Variants in MAGI1 observed in about 807,000 individuals in gnomAD.
MAGI1 encodes membrane-associated guanylate kinase, WW and PDZ domain-containing protein 1.
MAGI1 carries 58 observed loss-of-function variants against 139.9 expected under a neutral mutation model. The observed-to-expected ratio is 0.41, with a 90% CI of 0.34 to 0.52. The LOEUF is 0.52. Ranked by LOEUF, MAGI1 falls within the 20% of genes least tolerant of loss-of-function variation. MAGI1 has a pLI of 0.12. For missense variants in MAGI1, 1,874 were observed against 1,901.6 expected (o/e 0.99, Z 0.27); for synonymous variants, 812 against 737.9 (o/e 1.10, Z -1.63).
intron 2 of MAGI1, among the ~76,000 whole-genome samples, chr3:65,534,721 T>C (rs529726089): frequency 1.4e-4 from 21 of 152,326 alleles, no homozygotes; most frequent in African/African-American, 5.1e-4. Flanking sequence ...ACACTGACGA[T>C]GATGGCAAGA....
At chr3:65,694,852 T>A (rs1245918797) in intron 1 of MAGI1, among the ~76,000 whole-genome samples, 1 of 152,252 alleles carries the variant, frequency 6.6e-6, no homozygotes, top group Non-Finnish European at 1.5e-5. Flanking sequence ...ACTACCTGGC[T>A]GGCTGTCTCT....
At chr3:65,875,778 G>A (rs2060093506) in intron 1 of MAGI1, among the ~76,000 whole-genome samples, 1 of 152,206 alleles carries the variant, frequency 6.6e-6, no homozygotes, top group Admixed American at 6.5e-5. Context: ...ATAACAGCTA[G>A]TACTGACTGA....
chr3:65,748,637 G>T (rs1450350280), intron 1 of MAGI1, among the ~76,000 whole-genome samples: 2 of 152,158 alleles, frequency 1.3e-5, no homozygotes, highest in Non-Finnish European at 2.9e-5. Context: ...CACATCTGAT[G>T]TCAAGGAGCT....
chr3:65,901,300 C>G (rs986582399), intron 1 of MAGI1, among the ~76,000 whole-genome samples: 6 of 152,176 alleles, frequency 3.9e-5, no homozygotes, highest in African/African-American at 1.4e-4. Context: ...CAGGCCCAGA[C>G]CAGAGACTGG....
chr3:65,765,011 C>T (rs1282780689), intron 1 of MAGI1, among the ~76,000 whole-genome samples: 1 of 152,098 alleles, frequency 6.6e-6, no homozygotes, highest in Admixed American at 6.6e-5. Context: ...ATTATAGGAA[C>T]TAAATTAAGT....
intron 1 of MAGI1, among the ~76,000 whole-genome samples, chr3:66,024,868 A>G (rs1370439010): frequency 2.0e-5 from 3 of 152,144 alleles, no homozygotes; most frequent in Non-Finnish European, 4.4e-5. Flanking sequence ...ACCATAAATA[A>G]ACAATTCCAG....
chr3:65,877,954 T>G (rs989999934), intron 1 of MAGI1, among the ~76,000 whole-genome samples: 2 of 151,332 alleles, frequency 1.3e-5, no homozygotes, highest in African/African-American at 4.9e-5. Flanking sequence ...AAAAAGTGTT[T>G]TAAAAAATTA....
At chr3:65,983,057 C>G (rs113951866) in intron 1 of MAGI1, among the ~76,000 whole-genome samples, 2,515 of 152,194 alleles carry the variant, frequency 0.017, 30 homozygotes, top group Middle Eastern at 0.037. Context: ...ACAGCTGGGA[C>G]CACAGGCTCA....
At position 65,885,095 on chromosome 3, in the gene MAGI1, C is replaced by T. The variant is rs185663445; in HGVS notation, c.313+152901G>A. Among the ~76,000 whole-genome samples, 738 of 152,020 alleles carry T rather than the reference C, an allele frequency of 4.9e-3. 3 individuals carry two copies. The highest frequency in any genetic ancestry group is 7.6e-3 in the Non-Finnish European group (519 of 67,978). On this transcript the variant is annotated intron_variant, in intron 1 of 22. Coordinates refer to ENST00000402939, the MANE Select transcript of MAGI1 (RefSeq NM_001033057.2). ...TTACAAAACAGTCATAAAATAGATA[C>T]CTGGATGAAAAAACGTTTTCAGGTC...
At chr3:65,724,622 G>C (rs565231299) in intron 1 of MAGI1, among the ~76,000 whole-genome samples, 2 of 152,278 alleles carry the variant, frequency 1.3e-5, no homozygotes, top group South Asian at 2.1e-4. Context: ...CACTGTATTA[G>C]TCTGTTCTCA....
At chr3:65,895,364 A>G (rs1318287990) in intron 1 of MAGI1, among the ~76,000 whole-genome samples, 1 of 152,318 alleles carries the variant, frequency 6.6e-6, no homozygotes, top group East Asian at 1.9e-4. Flanking sequence ...ATTAAGGAAC[A>G]CAACATGTGA....
intron 1 of MAGI1, among the ~76,000 whole-genome samples, chr3:65,824,780 C>T (rs1575616400): frequency 2.0e-5 from 3 of 152,150 alleles, no homozygotes; most frequent in South Asian, 2.1e-4. Flanking sequence ...TATTTTCTTG[C>T]CTACCAATAA....
chr3:66,011,039 A>C (rs1195234341), intron 1 of MAGI1, among the ~76,000 whole-genome samples: 3 of 152,208 alleles, frequency 2.0e-5, no homozygotes, highest in African/African-American at 4.8e-5. Flanking sequence ...AGGGACACCA[A>C]TTTGCCCAAA....
At chr3:65,536,936 C>A (rs1468367141) in intron 2 of MAGI1, among the ~76,000 whole-genome samples, 1 of 152,028 alleles carries the variant, frequency 6.6e-6, no homozygotes, top group Non-Finnish European at 1.5e-5. Flanking sequence ...CAGCCATGCC[C>A]GTAGGTAGTT....
intron 18 of MAGI1, 23 bp downstream of exon 18, chr3:65,375,722 G>A (rs777476025): frequency 1.0e-5 from 16 of 1,550,602 alleles, no homozygotes; most frequent in Middle Eastern, 1.8e-4. Context: ...GAGAGAGAGA[G>A]AGAGATAATA....
At chr3:65,425,129 AAAAC>A (rs1375091333) in intron 12 of MAGI1, among the ~76,000 whole-genome samples, 670 of 39,734 alleles carry the variant, frequency 0.017, 38 homozygotes, top group East Asian at 0.073. Context: ...AAAAAAAAAA[AAAAC>A]AAAAAAAAAC....
rs142788987 is a variant in MAGI1 at position 65,375,882 on chromosome 3, C to T, written c.3059G>A (p.Arg1020His). The T allele has an allele frequency of 1.7e-5, 27 of 1,613,984 alleles. No homozygotes were observed. In the Admixed American group the frequency reaches 2.0e-4, roughly 12 times the overall value. The stretch of plus-strand genomic sequence containing the variant: ...GTCTCCTACTTTCAGCTTGCCACAG[C>T]GGTCAGCAGGGCTCCCCTCAATAAT... ...GRIIEGSPADRCGKLKVGDRI... is the reference protein window; with the variant it reads ...GRIIEGSPADHCGKLKVGDRI... The change falls in exon 18 of 23, where the codon CGC becomes CAC. Residue 1020 changes from arginine (R) to histidine (H), a missense_variant. This residue lies in a region of MAGI1 where 653 missense variants were observed against 644.5 expected (regional missense o/e 1.01). Coordinates refer to ENST00000402939, the MANE Select transcript of MAGI1 (RefSeq NM_001033057.2).
chr3:66,032,957 T>C (rs1441633716), intron 1 of MAGI1, among the ~76,000 whole-genome samples: 1 of 147,264 alleles, frequency 6.8e-6, no homozygotes, highest in Admixed American at 6.8e-5. Context: ...CAACAGAAGA[T>C]AATACGAGAT....
At chr3:65,699,727 TG>T (rs2089465401) in intron 1 of MAGI1, among the ~76,000 whole-genome samples, 1 of 80,260 alleles carries the variant, frequency 1.2e-5, no homozygotes, top group African/African-American at 5.1e-5. Flanking sequence ...GGGACTGTGG[TG>T]GGGTGGGGGG....
Sources: gnomAD v4.1 joint callset for allele counts (sites outside exome capture counted in the v4.1 genomes callset) on GRCh38, gnomAD v4.1.1 for gene constraint, gnomAD v4.1.1 regional missense constraint, MANE v1.5 for transcripts, NCBI Gene and HGNC (gene_info 2026-07-23, HGNC 2026-07-21) for gene names.